RORA: variants seen among roughly 807,000 people sequenced by gnomAD.
RORA encodes nuclear receptor ROR-alpha.
A neutral mutation model predicts 69.5 loss-of-function variants in RORA; 7 were observed. The ratio of observed to expected loss-of-function variants is 0.10; its 90% CI spans 0.06 to 0.19. RORA has a LOEUF of 0.19. Among genes scored for constraint, RORA ranks in the 10% least tolerant of loss-of-function variants. RORA has a pLI of 1.00. For synonymous variants in RORA, 261 were observed against 240.8 expected, an observed-to-expected ratio of 1.08 and a Z score of -0.78; for missense variants, 457 against 663.0, an observed-to-expected ratio of 0.69 and a Z score of 3.41.
chr15:60,569,037 G>T (rs940529797), intron 2 of RORA, among the ~76,000 whole-genome samples: 1 of 151,380 alleles, frequency 6.6e-6, no homozygotes, highest in South Asian at 2.1e-4. Flanking sequence ...TTTGTGGTTA[G>T]TGTCTTTTCA....
chr15:60,740,084 T>A (rs2071555044), intron 1 of RORA, among the ~76,000 whole-genome samples: 3 of 152,170 alleles, frequency 2.0e-5, no homozygotes, highest in Admixed American at 2.0e-4. Flanking sequence ...CGGGGGAAAC[T>A]GGAAAGGGGA....
intron 1 of RORA, among the ~76,000 whole-genome samples, chr15:61,222,035 C>T (rs1203043584): frequency 1.3e-5 from 2 of 151,996 alleles, no homozygotes; most frequent in Non-Finnish European, 2.9e-5. Context: ...TGATTCTAGG[C>T]TAGGAGATTA....
chr15:61,167,043 C>T (rs1269356974), intron 1 of RORA, among the ~76,000 whole-genome samples: 1 of 152,160 alleles, frequency 6.6e-6, no homozygotes, highest in East Asian at 1.9e-4. Flanking sequence ...ACTGCAGTGA[C>T]ACACATACAC....
intron 1 of RORA, among the ~76,000 whole-genome samples, chr15:60,722,859 C>G (rs1205740447): frequency 6.6e-6 from 1 of 152,198 alleles, no homozygotes; most frequent in Non-Finnish European, 1.5e-5. Flanking sequence ...CCTTCCCTCT[C>G]CACGTCTCAC....
At chr15:60,525,521 T>G (rs1303655672) in intron 3 of RORA, among the ~76,000 whole-genome samples, 1 of 152,268 alleles carries the variant, frequency 6.6e-6, no homozygotes, top group Non-Finnish European at 1.5e-5. Flanking sequence ...AGCTGCTCAT[T>G]GGCTGTTTAA....
chr15:60,979,516 T>C (rs1893976367), intron 1 of RORA, among the ~76,000 whole-genome samples: 1 of 152,138 alleles, frequency 6.6e-6, no homozygotes, highest in South Asian at 2.1e-4. Flanking sequence ...AAAACTCTTT[T>C]GTAGTTTTCA....
intron 5 of RORA, chr15:60,510,494 C>T (rs1051330755): frequency 6.6e-6 from 1 of 152,170 alleles, no homozygotes; most frequent in Non-Finnish European, 1.5e-5. Flanking sequence ...ATATGAATTA[C>T]ATCAATTTTG....
intron 1 of RORA, among the ~76,000 whole-genome samples, chr15:60,773,684 C>A (rs910326955): frequency 6.6e-6 from 1 of 152,156 alleles, no homozygotes; most frequent in Non-Finnish European, 1.5e-5. Context: ...GAAGGTCACA[C>A]AGTGGCAGAA....
At chr15:60,629,443 A>C (rs1450084313) in intron 2 of RORA, among the ~76,000 whole-genome samples, 1 of 152,100 alleles carries the variant, frequency 6.6e-6, no homozygotes, top group Non-Finnish European at 1.5e-5. Context: ...TTAGAGTCTA[A>C]GCTCCTTGAG....
At chr15:60,551,480 TTGCTC>T (rs2067226826) in intron 2 of RORA, among the ~76,000 whole-genome samples, 1 of 152,202 alleles carries the variant, frequency 6.6e-6, no homozygotes, top group Non-Finnish European at 1.5e-5. Flanking sequence ...AGAGCCATCT[TTGCTC>T]TGATCTCATT....
At chr15:60,527,212 A>G (rs1266512293) in intron 3 of RORA, among the ~76,000 whole-genome samples, 4 of 152,252 alleles carry the variant, frequency 2.6e-5, no homozygotes, top group Non-Finnish European at 5.9e-5. Flanking sequence ...AAAATTGTGT[A>G]GCCAAAATAT....
intron 1 of RORA, among the ~76,000 whole-genome samples, chr15:61,050,902 G>A (rs1897261866): frequency 6.6e-6 from 1 of 152,218 alleles, no homozygotes; most frequent in Non-Finnish European, 1.5e-5. Flanking sequence ...CTAGTAGGTG[G>A]TGAACAAGAG....
At chr15:60,733,497 T>A (rs1416133540) in intron 1 of RORA, among the ~76,000 whole-genome samples, 1 of 152,240 alleles carries the variant, frequency 6.6e-6, no homozygotes, top group Admixed American at 6.5e-5. Context: ...TGACGTGAGA[T>A]CTTTAGATTT....
At chr15:61,204,978 A>G (rs2079927449) in intron 1 of RORA, among the ~76,000 whole-genome samples, 1 of 152,192 alleles carries the variant, frequency 6.6e-6, no homozygotes, top group African/African-American at 2.4e-5. Context: ...AAAAACTTCA[A>G]TGTGCTGGTC....
At chr15:61,223,661 T>C (rs1269389294) in intron 1 of RORA, among the ~76,000 whole-genome samples, 1 of 152,162 alleles carries the variant, frequency 6.6e-6, no homozygotes, top group Admixed American at 6.5e-5. Flanking sequence ...ACCATAAGAT[T>C]CTCAAACCTC....
At chr15:61,127,619 G>A (rs755342646) in intron 1 of RORA, among the ~76,000 whole-genome samples, 13 of 152,208 alleles carry the variant, frequency 8.5e-5, no homozygotes, top group Non-Finnish European at 1.8e-4. Flanking sequence ...CATGTCTGAC[G>A]ATTCTGGAGT....
At chr15:61,033,221 C>T (rs1376682567) in intron 1 of RORA, among the ~76,000 whole-genome samples, 2 of 152,064 alleles carry the variant, frequency 1.3e-5, no homozygotes, top group African/African-American at 4.8e-5. Flanking sequence ...AGAGGCAAAG[C>T]GGGTCTTCCA....
intron 2 of RORA, among the ~76,000 whole-genome samples, chr15:60,629,187 C>CTTCTTTT (rs2069670549): frequency 8.9e-6 from 1 of 112,030 alleles, no homozygotes; most frequent in African/African-American, 3.7e-5. Flanking sequence ...ACTGTTTATT[C>CTTCTTTT]TTTTTTTTTT....
chr15:60,823,972 G>A (rs2072926451), intron 1 of RORA, among the ~76,000 whole-genome samples: 1 of 152,088 alleles, frequency 6.6e-6, no homozygotes, highest in African/African-American at 2.4e-5. Flanking sequence ...CATGGTTTAT[G>A]GCCTTCAAGT....
Sources: allele counts gnomAD v4.1 joint callset (sites outside exome capture counted in the v4.1 genomes callset), GRCh38; gene constraint gnomAD v4.1.1; transcripts MANE v1.5; gene names NCBI Gene and HGNC (gene_info 2026-07-23, HGNC 2026-07-21).